L3MBTL4: variants seen among roughly 807,000 people sequenced by gnomAD.
L3MBTL4 encodes the protein lethal(3)malignant brain tumor-like protein 4.
Under a neutral mutation model 84.5 loss-of-function variants are expected in L3MBTL4, and 70 were observed. The ratio of observed to expected loss-of-function variants is 0.83; its 90% CI spans 0.68 to 1.01. The LOEUF (loss-of-function observed/expected upper bound fraction) is 1.01. Among genes scored for constraint, L3MBTL4 ranks in the 50% least tolerant of loss-of-function variants. L3MBTL4 has a pLI of 0.00. For synonymous variants in L3MBTL4, 274 were observed against 259.8 expected (o/e 1.05, Z -0.52); for missense variants, 715 against 754.8 (o/e 0.95, Z 0.62).
At position 6,138,258 on chromosome 18, in the gene L3MBTL4, A is replaced by G. The variant is rs774154648; in HGVS notation, c.1135T>C (p.Cys379Arg). The change falls in exon 14 of 19, where the codon TGT becomes CGT. Residue 379 changes from cysteine to arginine, a missense_variant. Physicochemically the swap from Cys to Arg is radical, Grantham distance 180. Coordinates refer to ENST00000317931, the MANE Select transcript of L3MBTL4 (RefSeq NM_001330559.2). ...ATTCCTCGGCACCCGGGAGTAGGAC[A>G]GACAGCTTGACCTGGAAGGATCTTC... The part of the protein sequence containing the change: ...DLKILPGQAV[C>R]PTPGCRGIGH... 5.0e-5 allele frequency: 81 copies of G among 1,613,252 alleles called. No individual in the cohort carries two copies. The highest frequency in any genetic ancestry group is 6.8e-5 in the Non-Finnish European group (80 of 1,179,590).
At chr18:6,156,818 T>C (rs1466777946) in intron 13 of L3MBTL4, among the ~76,000 whole-genome samples, 1 of 152,254 alleles carries the variant, frequency 6.6e-6, no homozygotes, top group Non-Finnish European at 1.5e-5. Context: ...CAATCTATGA[T>C]GGTCTGTACA....
At chr18:6,170,649 A>G (rs1417500627) in intron 13 of L3MBTL4, among the ~76,000 whole-genome samples, 1 of 152,084 alleles carries the variant, frequency 6.6e-6, no homozygotes, top group East Asian at 1.9e-4. Context: ...CTGTCCCTGT[A>G]TCTGCAATGC....
chr18:6,188,837 A>C (rs1272612016), intron 12 of L3MBTL4, among the ~76,000 whole-genome samples: 2 of 152,246 alleles, frequency 1.3e-5, no homozygotes, highest in South Asian at 2.1e-4. Context: ...TCCTGGGATC[A>C]CTAGAGGGAG....
intron 13 of L3MBTL4, among the ~76,000 whole-genome samples, chr18:6,155,068 A>G (rs530171396): frequency 7.2e-4 from 109 of 152,292 alleles, no homozygotes; most frequent in African/African-American, 2.5e-3. Context: ...AAAAGCTTTT[A>G]ATGTTCAAGA....
intron 3 of L3MBTL4, among the ~76,000 whole-genome samples, chr18:6,305,113 C>T (rs150040860): frequency 6.6e-6 from 1 of 152,168 alleles, no homozygotes; most frequent in African/African-American, 2.4e-5. Flanking sequence ...CATATACACA[C>T]GAAAGATTAT....
chr18:6,015,459 A>T (rs1030177573), intron 16 of L3MBTL4, among the ~76,000 whole-genome samples: 1 of 152,090 alleles, frequency 6.6e-6, no homozygotes, highest in Non-Finnish European at 1.5e-5. Context: ...AAAATGTGGA[A>T]CTTGGAGTTT....
intron 4 of L3MBTL4, among the ~76,000 whole-genome samples, chr18:6,277,669 A>G (rs563468956): frequency 6.6e-6 from 1 of 152,280 alleles, no homozygotes; most frequent in South Asian, 2.1e-4. Context: ...ATCCTTCAGT[A>G]GGATTTTTCA....
At chr18:6,137,058 C>T (rs1416903631) in intron 14 of L3MBTL4, among the ~76,000 whole-genome samples, 3 of 152,170 alleles carry the variant, frequency 2.0e-5, no homozygotes, top group Non-Finnish European at 4.4e-5. Flanking sequence ...CAAAAACTTG[C>T]TTTGGTCTCT....
chr18:6,344,516 A>G (rs1171237094), intron 1 of L3MBTL4, among the ~76,000 whole-genome samples: 1 of 152,222 alleles, frequency 6.6e-6, no homozygotes, highest in African/African-American at 2.4e-5. Context: ...AAGAGTAGAG[A>G]CAACACTTTC....
At chr18:6,068,499 A>T (rs532255497) in intron 16 of L3MBTL4, among the ~76,000 whole-genome samples, 184 of 152,314 alleles carry the variant, frequency 1.2e-3, no homozygotes, top group African/African-American at 4.3e-3. Context: ...CCAGTATTCC[A>T]GCTATTCAGA....
At chr18:6,026,659 T>C (rs2055518685) in intron 16 of L3MBTL4, among the ~76,000 whole-genome samples, 1 of 152,192 alleles carries the variant, frequency 6.6e-6, no homozygotes, top group Admixed American at 6.5e-5. Context: ...ATAACCACAC[T>C]GAGTAACACT....
intron 4 of L3MBTL4, among the ~76,000 whole-genome samples, chr18:6,267,007 G>A (rs1049474506): frequency 6.6e-6 from 1 of 151,982 alleles, no homozygotes; most frequent in Non-Finnish European, 1.5e-5. Flanking sequence ...GCAGGAAAAT[G>A]TTACGTGGAA....
At chr18:6,226,410 T>C (rs1329850523) in intron 10 of L3MBTL4, among the ~76,000 whole-genome samples, 1 of 151,862 alleles carries the variant, frequency 6.6e-6, no homozygotes, top group Non-Finnish European at 1.5e-5. Flanking sequence ...TGCCTCCAAA[T>C]AATAATAATA....
intron 1 of L3MBTL4, among the ~76,000 whole-genome samples, chr18:6,412,935 T>A (rs1354545246): frequency 4.6e-5 from 7 of 150,604 alleles, no homozygotes; most frequent in South Asian, 4.2e-4. Flanking sequence ...AAAAAAAAAA[T>A]TAGAAAATTA....
chr18:6,085,766 A>G (rs967605909), intron 15 of L3MBTL4, among the ~76,000 whole-genome samples: 1 of 152,190 alleles, frequency 6.6e-6, no homozygotes, highest in Non-Finnish European at 1.5e-5. Flanking sequence ...ACCCAGTCTC[A>G]GGCAGTTTTT....
intron 16 of L3MBTL4, among the ~76,000 whole-genome samples, chr18:5,990,483 G>A (rs939789799): frequency 2.0e-5 from 3 of 152,150 alleles, no homozygotes; most frequent in African/African-American, 7.2e-5. Flanking sequence ...TTCACTAAAA[G>A]TGGACAATTT....
intron 1 of L3MBTL4, among the ~76,000 whole-genome samples, chr18:6,376,087 C>T (rs1221075316): frequency 6.6e-6 from 1 of 152,158 alleles, no homozygotes; most frequent in Non-Finnish European, 1.5e-5. Context: ...GCCCCTCAAG[C>T]TCTCCGACCC....
chr18:5,999,670 C>G (rs577300585), intron 16 of L3MBTL4, among the ~76,000 whole-genome samples: 5 of 152,080 alleles, frequency 3.3e-5, no homozygotes, highest in Admixed American at 6.5e-5. Flanking sequence ...AACTAGAAGG[C>G]AGATAAATTC....
chr18:6,163,102 G>T (rs146308786), intron 13 of L3MBTL4, among the ~76,000 whole-genome samples: 1 of 152,080 alleles, frequency 6.6e-6, no homozygotes, highest in Non-Finnish European at 1.5e-5. Flanking sequence ...CCACTGCAAC[G>T]GTCAATGACA....
Sources: gnomAD v4.1 joint callset for allele counts (sites outside exome capture counted in the v4.1 genomes callset) on GRCh38, gnomAD v4.1.1 for gene constraint, MANE v1.5 for transcripts, NCBI Gene and HGNC (gene_info 2026-07-23, HGNC 2026-07-21) for gene names.